The following INSM2 variants were observed in gnomAD, a reference collection of about 807,000 sequenced individuals.
INSM2 encodes insulinoma-associated protein 2.
In INSM2, 12 loss-of-function variants were observed where a neutral mutation model predicts 30.5. That is an observed-to-expected ratio of 0.39 (90% CI 0.25 to 0.64). The LOEUF (loss-of-function observed/expected upper bound fraction) is 0.64, where lower values mean the gene tolerates loss of function less well. INSM2 is among the 30% of genes least tolerant of loss of function. The pLI is 0.47. For synonymous variants in INSM2, 418 were observed against 383.7 expected, an observed-to-expected ratio of 1.09 and a Z score of -1.05; for missense variants, 773 against 819.2, an observed-to-expected ratio of 0.94 and a Z score of 0.69.
chr14:35,535,176 C>A lies in INSM2; in HGVS notation c.924C>A (p.Ser308=). The change falls in exon 1 of 1, where the codon TCC becomes TCA. Residue 308 remains serine (S), a synonymous_variant. Coordinates refer to ENST00000307169, the MANE Select transcript of INSM2 (RefSeq NM_032594.4). The stretch of plus-strand genomic sequence containing the variant: ...TCAGCTGTCCTGCGAACCTGGCCTC[C>A]CATCGCCGCTGGCATAAGCCGCGTC... The part of the protein sequence containing the change: ...KVFSCPANLA[S]HRRWHKPRPA... The A allele has an allele frequency of 1.2e-6, 2 of 1,612,994 alleles. No homozygotes were observed. The highest frequency in any genetic ancestry group is 1.7e-6 in the Non-Finnish European group (2 of 1,179,820).
At position 35,535,221 on chromosome 14, in the gene INSM2, C is replaced by T. The variant is rs1477407769; in HGVS notation, c.969C>T (p.Ala323=). ...CGCGTCCTGCGGCTGCAAACGCCGC[C>T]ACAGTCTCCTCCGCCGACGGGAAGC... ...HKPRPAAANA[A]TVSSADGKPP... The change falls in exon 1 of 1, where the codon GCC becomes GCT. Residue 323 remains alanine, a synonymous_variant. Coordinates refer to ENST00000307169, the MANE Select transcript of INSM2 (RefSeq NM_032594.4). 2 of 1,613,324 alleles carry T rather than the reference C, an allele frequency of 1.2e-6. No homozygotes were observed. Among genetic ancestry groups the T allele is most frequent in the African/African-American group, 2.7e-5 (2 of 74,956 alleles).
chr14:35,536,056 C>T lies in INSM2; in HGVS notation c.*103C>T. 7.1e-7 allele frequency: 1 copy of T among 1,399,698 alleles called. No homozygotes were observed. The highest frequency in any genetic ancestry group is 9.7e-7 in the Non-Finnish European group (1 of 1,028,626). 86.7% of individuals were successfully genotyped at this position (1,399,698 alleles called of 1,614,324 possible). A position where few individuals can be genotyped will look rare whatever the true frequency, so the allele number is the denominator to read the frequency against. Reference sequence around the variant, plus strand: ...ACTTGCAAGTTTACTTTCATTCCTTCCTATGTTTTAATCCCCTAAAATTCT... The same window carrying T: ...ACTTGCAAGTTTACTTTCATTCCTTTCTATGTTTTAATCCCCTAAAATTCT... On this transcript the variant is annotated 3_prime_UTR_variant, in exon 1 of 1. Coordinates refer to ENST00000307169, the MANE Select transcript of INSM2 (RefSeq NM_032594.4).
In INSM2 at chr14:35,534,945, G is replaced by A; in HGVS notation, c.693G>A (p.Val231=). 6.3e-7 allele frequency: 1 copy of A among 1,581,402 alleles called. No homozygotes were observed. The highest frequency in any genetic ancestry group is 8.6e-7 in the Non-Finnish European group (1 of 1,167,616). The change falls in exon 1 of 1, where the codon GTG becomes GTA. Residue 231 remains valine, a synonymous_variant. Coordinates refer to ENST00000307169, the MANE Select transcript of INSM2 (RefSeq NM_032594.4). The stretch of plus-strand genomic sequence containing the variant: ...GGAAGTTGAGCTTTGCCGATGAGGT[G>A]ACCACATCCCCTGTCCTGGGCCTGA... The part of the protein sequence containing the change: ...AMRKLSFADE[V]TTSPVLGLKI...
In INSM2 at chr14:35,535,487, C is replaced by T. The variant is rs1354695346; in HGVS notation, c.1235C>T (p.Pro412Leu). The T allele has an allele frequency of 1.2e-5, 20 of 1,613,168 alleles. 1 individual carries two copies. The highest frequency in any genetic ancestry group is 1.7e-5 in the Non-Finnish European group (20 of 1,179,988). ...YTEGVLGRRV[P>L]VPGSTSGGRG... The stretch of plus-strand genomic sequence containing the variant: ...GAGGGGGTGTTGGGGCGCCGGGTAC[C>T]TGTGCCGGGCAGTACCAGTGGTGGC... Residue 412 changes from proline to leucine, a missense_variant, in exon 1 of 1, where the codon CCT becomes CTT. Physicochemically the swap from Pro to Leu is moderately conservative, Grantham distance 98 (BLOSUM62 -3). Coordinates refer to ENST00000307169, the MANE Select transcript of INSM2 (RefSeq NM_032594.4).
Position 35,535,923 on chromosome 14 carries a change from G to A in INSM2, c.1671G>A (p.Leu557=), listed in dbSNP as rs780683445. ...CCTCAGAAAGCCGGCAAGTGCTGCT[G>A]CTGCAGATGCCACTGCGGCCTGGCT... The part of the protein sequence containing the change: ...CHPSESRQVL[L]LQMPLRPGC The change falls in exon 1 of 1, where the codon CTG becomes CTA. Residue 557 remains leucine, a synonymous_variant. Coordinates refer to ENST00000307169, the MANE Select transcript of INSM2 (RefSeq NM_032594.4). 7 of 1,611,496 alleles carry A rather than the reference G, an allele frequency of 4.3e-6. 1 individual carries two copies. The African/African-American group carries it at 9.3e-5, about 22-fold the overall frequency.
rs1004992747 is a variant in INSM2, at chr14:35,535,890, G to A, written c.1638G>A (p.Lys546=). 1.2e-6 allele frequency: 2 copies of A among 1,613,736 alleles called. No individual in the cohort carries two copies. The highest frequency in any genetic ancestry group is 1.3e-5 in the African/African-American group (1 of 75,062). Residue 546 remains lysine (K), a synonymous_variant, in exon 1 of 1, where the codon AAG becomes AAA. Transcript: ENST00000307169. ...SSPGLTRHIN[K]CHPSESRQVL... is the part of the protein sequence containing the mutation. The stretch of plus-strand genomic sequence containing the variant: ...CAGGGCTGACCCGGCACATCAATAA[G>A]TGCCACCCCTCAGAAAGCCGGCAAG...
In INSM2 at chr14:35,536,169, G is replaced by C. The variant is rs1004723621; in HGVS notation, c.*216G>C. 1.9e-6 allele frequency: 1 copy of C among 514,692 alleles called. No homozygotes were observed. The highest frequency in any genetic ancestry group is 2.0e-5 in the African/African-American group (1 of 50,190). 31.9% of individuals were successfully genotyped at this position (514,692 alleles called of 1,614,324 possible). On this transcript the variant is annotated 3_prime_UTR_variant, in exon 1 of 1. Transcript: ENST00000307169. Reference sequence around the variant, plus strand: ...GGTATGTATATGGTATAAACCTTGAGATCAAAGACTGTCAGCTTTAAATCC... The same window carrying C: ...GGTATGTATATGGTATAAACCTTGACATCAAAGACTGTCAGCTTTAAATCC...
rs371623805 is a variant in INSM2 at position 35,534,305 on chromosome 14, G to A, written c.53G>A (p.Arg18Gln). 1 of 1,595,022 alleles carries A rather than the reference G, an allele frequency of 6.3e-7. No homozygotes were observed. The highest frequency in any genetic ancestry group is 8.5e-7 in the Non-Finnish European group (1 of 1,171,484). ...ACTAAACGGACAGGCGGCTTGTACC[G>A]AGTTCGCCTTGCGGAGCGTGTCTTC... Reference protein sequence around the residue: ...KRTKRTGGLYRVRLAERVFPL... With the variant: ...KRTKRTGGLYQVRLAERVFPL... Residue 18 changes from arginine to glutamine, a missense_variant, in exon 1 of 1, where the codon CGA (arginine) becomes CAA (glutamine). Coordinates refer to ENST00000307169, the MANE Select transcript of INSM2 (RefSeq NM_032594.4).
chr14:35,535,594 C>T lies in INSM2; in HGVS notation c.1342C>T (p.His448Tyr). ...QAYLRKHLSTHEAGSARALAP... is the reference protein window; with the variant it reads ...QAYLRKHLSTYEAGSARALAP... ...CTATCTGCGCAAGCACCTGAGCACT[C>T]ACGAGGCGGGCTCGGCCCGTGCGCT... Residue 448 changes from histidine (H) to tyrosine (Y), a missense_variant, in exon 1 of 1, where the codon CAC becomes TAC. Coordinates refer to ENST00000307169, the MANE Select transcript of INSM2 (RefSeq NM_032594.4). 1 of 1,613,276 alleles carries T rather than the reference C, an allele frequency of 6.2e-7. No individual in the cohort carries two copies. The highest frequency in any genetic ancestry group is 8.5e-7 in the Non-Finnish European group (1 of 1,179,980).
Position 35,536,125 on chromosome 14 carries a change from A to C in INSM2, c.*172A>C. On this transcript the variant is annotated 3_prime_UTR_variant, in exon 1 of 1. Transcript: ENST00000307169. ...ACCAGAGGAGCGGACAGTGAAATGT[A>C]ATATCCCTCTCTAGAGCAGGTATGT... 1 of 726,504 alleles carries C rather than the reference A, an allele frequency of 1.4e-6. No individual in the cohort carries two copies. The highest frequency in any genetic ancestry group is 2.3e-6 in the Non-Finnish European group (1 of 438,630). 45.0% of individuals were successfully genotyped at this position (726,504 alleles called of 1,614,324 possible). A position where few individuals can be genotyped will look rare whatever the true frequency, so the allele number is the denominator to read the frequency against.
Position 35,534,492 on chromosome 14 carries a change from T to C in INSM2, c.240T>C (p.Ala80=), listed in dbSNP as rs112804872. The change falls in exon 1 of 1, where the codon GCT becomes GCC. Residue 80 remains alanine, a synonymous_variant. Coordinates refer to ENST00000307169, the MANE Select transcript of INSM2 (RefSeq NM_032594.4). Reference sequence around the variant, plus strand: ...AGTCGGGGTCGCCATGTCGGGCGGCTGGGGTGAGCCCGGGGACGGGCGGGC... The same window carrying C: ...AGTCGGGGTCGCCATGTCGGGCGGCCGGGGTGAGCCCGGGGACGGGCGGGC... ...REQSGSPCRA[A]GVSPGTGGRE... 16,957 of 1,430,470 alleles carry C rather than the reference T, an allele frequency of 0.012. 97 individuals are homozygous for C. Among genetic ancestry groups the C allele is most frequent in the Non-Finnish European group, 0.014 (15,170 of 1,097,978 alleles). 88.6% of individuals were successfully genotyped at this position (1,430,470 alleles called of 1,614,324 possible).
In INSM2 at chr14:35,535,229, C is replaced by T. The variant is rs562996139; in HGVS notation, c.977C>T (p.Ser326Phe). 1.9e-5 allele frequency: 30 copies of T among 1,613,450 alleles called. No homozygotes were observed. The East Asian group carries it at 3.6e-4, about 19-fold the overall frequency. The change falls in exon 1 of 1, where the codon TCC (serine) becomes TTC (phenylalanine). Residue 326 changes from serine (S) to phenylalanine (F), a missense_variant. By Grantham distance (155) the Ser-to-Phe change is radical (BLOSUM62 -2). Coordinates refer to ENST00000307169, the MANE Select transcript of INSM2 (RefSeq NM_032594.4). ...RPAAANAATVSSADGKPPSSS... is the reference protein window; with the variant it reads ...RPAAANAATVFSADGKPPSSS... The stretch of plus-strand genomic sequence containing the variant: ...GCGGCTGCAAACGCCGCCACAGTCT[C>T]CTCCGCCGACGGGAAGCCGCCTTCT...
Position 35,536,028 on chromosome 14 carries a change from T to G in INSM2, c.*75T>G. On this transcript the variant is annotated 3_prime_UTR_variant, in exon 1 of 1. Transcript: ENST00000307169. ...CATGGGAATTTCTGTGGGGCTTTCT[T>G]CAACTTGCAAGTTTACTTTCATTCC... 3 of 1,491,960 alleles carry G rather than the reference T, an allele frequency of 2.0e-6. No homozygotes were observed. Among genetic ancestry groups the G allele is most frequent in the Non-Finnish European group, 2.7e-6 (3 of 1,111,670 alleles). 92.4% of individuals were successfully genotyped at this position (1,491,960 alleles called of 1,614,324 possible). A position where few individuals can be genotyped will look rare whatever the true frequency, so the allele number is the denominator to read the frequency against.
In INSM2 at chr14:35,534,346, C is replaced by G. The variant is rs2053577976; in HGVS notation, c.94C>G (p.Gln32Glu). The G allele has an allele frequency of 1.3e-6, 2 of 1,580,876 alleles. No individual in the cohort carries two copies. Among genetic ancestry groups the G allele is most frequent in the Non-Finnish European group, 1.7e-6 (2 of 1,165,786 alleles). Residue 32 changes from glutamine (Q) to glutamate (E), a missense_variant, in exon 1 of 1, where the codon CAG (glutamine) becomes GAG (glutamate). Coordinates refer to ENST00000307169, the MANE Select transcript of INSM2 (RefSeq NM_032594.4). The part of the protein sequence containing the change: ...AERVFPLLGP[Q>E]GAPPFLEEAP... ...GCGTGTCTTCCCTCTGCTGGGGCCC[C>G]AGGGGGCGCCGCCCTTCTTGGAGGA...
Position 35,534,390 on chromosome 14 carries a change from GC to G in INSM2, c.141del (p.Gly48AlafsTer17). 6.5e-7 allele frequency: 1 copy of G among 1,539,222 alleles called. No individual in the cohort carries two copies. Among genetic ancestry groups the G allele is most frequent in the Non-Finnish European group, 8.7e-7 (1 of 1,148,620 alleles). On this transcript the variant is annotated frameshift_variant, in exon 1 of 1. Coordinates refer to ENST00000307169, the MANE Select transcript of INSM2 (RefSeq NM_032594.4). LOFTEE classifies it high-confidence loss of function. ...FLEEAPSASL[P>X]GAERATPPTR... ...TGGAGGAGGCTCCCAGCGCCTCCTT[GC>G]CCGGCGCGGAGCGGGCGACACCCCC...
Position 35,535,625 on chromosome 14 carries a change from C to T in INSM2, c.1373C>T (p.Pro458Leu). 1.2e-6 allele frequency: 2 copies of T among 1,613,118 alleles called. No individual in the cohort carries two copies. Among genetic ancestry groups the T allele is most frequent in the East Asian group, 2.2e-5 (1 of 44,888 alleles). ...HEAGSARALA[P>L]GFGSERGAPL... Reference sequence around the variant, plus strand: ...GCGGGCTCGGCCCGTGCGCTAGCGCCGGGCTTTGGCTCCGAACGCGGTGCC... The same window carrying T: ...GCGGGCTCGGCCCGTGCGCTAGCGCTGGGCTTTGGCTCCGAACGCGGTGCC... The change falls in exon 1 of 1, where the codon CCG becomes CTG. Residue 458 changes from proline (P) to leucine (L), a missense_variant. By Grantham distance (98) the Pro-to-Leu change is moderately conservative (BLOSUM62 -3). Transcript: ENST00000307169.
rs956917118 is a variant in INSM2, at chr14:35,536,681, T to C, written c.*728T>C. On this transcript the variant is annotated 3_prime_UTR_variant, in exon 1 of 1. Transcript: ENST00000307169. Reference sequence around the variant, plus strand: ...TGGGCAGTATTCAGGAAGAGCTACTTCAAACCTTTCTTTAAATGGCTTTTT... The same window carrying C: ...TGGGCAGTATTCAGGAAGAGCTACTCCAAACCTTTCTTTAAATGGCTTTTT... The C allele has an allele frequency of 2.4e-5, 4 of 167,112 alleles. No individual in the cohort carries two copies. Among genetic ancestry groups the C allele is most frequent in the African/African-American group, 9.6e-5 (4 of 41,458 alleles). The allele number at this position is 167,112 out of a possible 1,614,324, so 10.4% of individuals were successfully genotyped here.
Position 35,534,513 on chromosome 14 carries a change from C to G in INSM2, c.261C>G (p.Gly87=), listed in dbSNP as rs749497004. 8 of 1,403,314 alleles carry G rather than the reference C, an allele frequency of 5.7e-6. No individual in the cohort carries two copies. In the Admixed American group the frequency reaches 2.4e-4, roughly 42 times the overall value. 86.9% of individuals were successfully genotyped at this position (1,403,314 alleles called of 1,614,324 possible). A position where few individuals can be genotyped will look rare whatever the true frequency, so the allele number is the denominator to read the frequency against. The change falls in exon 1 of 1, where the codon GGC becomes GGG. Residue 87 remains glycine (G), a synonymous_variant. Transcript: ENST00000307169. Reference sequence around the variant, plus strand: ...CGGCTGGGGTGAGCCCGGGGACGGGCGGGCGGGAAGGCGCGGAGTGGCGGG... The same window carrying G: ...CGGCTGGGGTGAGCCCGGGGACGGGGGGGCGGGAAGGCGCGGAGTGGCGGG... ...CRAAGVSPGT[G]GREGAEWRAG...
Position 35,534,522 on chromosome 14 carries a change from AG to A in INSM2, c.272del (p.Gly91AlafsTer101). On this transcript the variant is annotated frameshift_variant, in exon 1 of 1. Transcript: ENST00000307169. LOFTEE classifies it high-confidence loss of function. ...GVSPGTGGRE[G>X]AEWRAGGREG... ...TGAGCCCGGGGACGGGCGGGCGGGA[AG>A]GCGCGGAGTGGCGGGCGGGTGGCAG... 7.1e-7 allele frequency: 1 copy of A among 1,406,028 alleles called. No homozygotes were observed. 87.1% of individuals were successfully genotyped at this position (1,406,028 alleles called of 1,614,324 possible). A position where few individuals can be genotyped will look rare whatever the true frequency, so the allele number is the denominator to read the frequency against.
Sources: allele counts gnomAD v4.1 joint callset, GRCh38; gene constraint gnomAD v4.1.1; transcripts MANE v1.5; gene names NCBI Gene and HGNC (gene_info 2026-07-23, HGNC 2026-07-21).